The following STK31 variants were observed in gnomAD, a reference collection of about 807,000 sequenced individuals.
The protein encoded by STK31 is serine/threonine kinase 31.
In STK31, 89 loss-of-function variants were observed where a neutral mutation model predicts 129.7. The observed-to-expected ratio is 0.69, with a 90% CI of 0.58 to 0.82. The LOEUF is 0.82. Ranked by LOEUF, STK31 falls within the 40% of genes least tolerant of loss-of-function variation. The pLI is 0.00. For synonymous variants in STK31, 448 were observed against 395.3 expected, an observed-to-expected ratio of 1.13 and a Z score of -1.58; for missense variants, 1,187 against 1,176.4, an observed-to-expected ratio of 1.01 and a Z score of -0.13.
chr7:23,733,422 G>A (rs1196753651), intron 6 of STK31, among the ~76,000 whole-genome samples: 1 of 145,482 alleles, frequency 6.9e-6, no homozygotes, highest in Admixed American at 7.0e-5. Context: ...GGTAGTGATA[G>A]TTGGTGATTC....
intron 23 of STK31, among the ~76,000 whole-genome samples, chr7:23,831,449 T>G (rs1033255272): frequency 6.6e-6 from 1 of 152,202 alleles, no homozygotes; most frequent in Non-Finnish European, 1.5e-5. Context: ...TGGTTTCCTT[T>G]TGTATGGAAC....
chr7:23,801,108 G>A (rs940132030), intron 22 of STK31, among the ~76,000 whole-genome samples: 3 of 152,174 alleles, frequency 2.0e-5, no homozygotes, highest in Admixed American at 6.5e-5. Context: ...GTAATCGTAT[G>A]TATTATTCTT....
chr7:23,712,871 A>G (rs540823846), intron 3 of STK31, among the ~76,000 whole-genome samples: 6 of 152,308 alleles, frequency 3.9e-5, no homozygotes, highest in African/African-American at 1.4e-4. Context: ...CGACCTGCTA[A>G]TTTTTGGTTT....
intron 15 of STK31, among the ~76,000 whole-genome samples, chr7:23,777,781 CTT>C (rs1562594007): frequency 1.3e-5 from 2 of 152,058 alleles, no homozygotes; most frequent in African/African-American, 4.8e-5. Flanking sequence ...GGTCTTGACT[CTT>C]TATCCAATTT....
chr7:23,769,499 G>C (rs1790051265), intron 12 of STK31, 141 bp from the exon 13 acceptor site: 4 of 584,886 alleles, frequency 6.8e-6, no homozygotes, highest in Non-Finnish European at 1.2e-5. Context: ...ATTTTATGAG[G>C]GTAGGCACTT....
At chr7:23,759,581 T>C (rs1054234260) in intron 10 of STK31, among the ~76,000 whole-genome samples, 8 of 152,230 alleles carry the variant, frequency 5.3e-5, no homozygotes, top group African/African-American at 1.7e-4. Context: ...TATTGCCTTA[T>C]AAGAAAGGTG....
chr7:23,739,047 G>C (rs1440288707), intron 8 of STK31, among the ~76,000 whole-genome samples: 1 of 152,172 alleles, frequency 6.6e-6, no homozygotes, highest in African/African-American at 2.4e-5. Flanking sequence ...TTGAGGAATT[G>C]CCACACTGTC....
chr7:23,787,098 G>A lies in STK31; in HGVS notation c.2487+174G>A, dbSNP rs897573756. 1.1e-4 allele frequency among the ~76,000 whole-genome samples: 16 copies of A among 152,138 alleles called. 1 individual carries two copies. The highest frequency in any genetic ancestry group is 2.9e-4 in the African/African-American group (12 of 41,428). On this transcript the variant is annotated intron_variant, in intron 20 of 23. Coordinates refer to ENST00000355870, the MANE Select transcript of STK31 (RefSeq NM_031414.5). ...TCGTGTTATATAGATGAGAAAAAGC[G>A]TTAAAGGGATTAGATTAAGTGACTT...
In STK31 at chr7:23,717,525, G is replaced by C. The variant is rs1430381248; in HGVS notation, c.195G>C (p.Leu65=). 5 of 1,613,216 alleles carry C rather than the reference G, an allele frequency of 3.1e-6. No homozygotes were observed. Among genetic ancestry groups the C allele is most frequent in the Non-Finnish European group, 4.2e-6 (5 of 1,179,564 alleles). ...NKDIMKIGCS[L]SEVCPQASSV... is the part of the protein sequence containing the mutation. ...ATATCATGAAGATTGGTTGCTCACT[G>C]TCTGAAGTTTGCCCCCAGGCCAGTT... Residue 65 remains leucine, a synonymous_variant, in exon 4 of 24, where the codon CTG becomes CTC. Transcript: ENST00000355870.
intron 7 of STK31, among the ~76,000 whole-genome samples, chr7:23,736,587 G>A (rs1235471776): frequency 4.0e-5 from 6 of 149,522 alleles, no homozygotes; most frequent in Admixed American, 2.0e-4. Flanking sequence ...GGGATCACGG[G>A]GGGGGGATCA....
At chr7:23,777,340 C>T in intron 15 of STK31, among the ~76,000 whole-genome samples, 1 of 152,022 alleles carries the variant, frequency 6.6e-6, no homozygotes, top group Non-Finnish European at 1.5e-5. Context: ...TTATTAGGTC[C>T]ACTTGGTCCA....
At chr7:23,807,648 C>CGAAA (rs1348152140) in intron 22 of STK31, among the ~76,000 whole-genome samples, 1 of 152,020 alleles carries the variant, frequency 6.6e-6, no homozygotes, top group Non-Finnish European at 1.5e-5. Flanking sequence ...CACCCTTTCT[C>CGAAA]CTCTTTTTCT....
At chr7:23,828,603 G>A (rs1388848291) in intron 23 of STK31, among the ~76,000 whole-genome samples, 1 of 152,088 alleles carries the variant, frequency 6.6e-6, no homozygotes, top group Non-Finnish European at 1.5e-5. Flanking sequence ...CCACTGTCCT[G>A]CACCCACTGT....
intron 22 of STK31, among the ~76,000 whole-genome samples, chr7:23,805,625 A>G (rs1792658648): frequency 6.6e-6 from 1 of 152,038 alleles, no homozygotes; most frequent in African/African-American, 2.4e-5. Context: ...CTGGGACTAC[A>G]GGTTGTATCA....
chr7:23,776,785 A>AT (rs548562817), intron 15 of STK31, among the ~76,000 whole-genome samples: 28 of 151,156 alleles, frequency 1.9e-4, no homozygotes, highest in South Asian at 4.2e-4. Context: ...GGATTCATTG[A>AT]TTTTTTTTTG....
chr7:23,823,690 G>A (rs1168491217), intron 23 of STK31, among the ~76,000 whole-genome samples: 1 of 152,140 alleles, frequency 6.6e-6, no homozygotes, highest in African/African-American at 2.4e-5. Flanking sequence ...TGTCCTGAAT[G>A]GTATTGCCTA....
At chr7:23,830,763 G>C (rs1391258775) in intron 23 of STK31, among the ~76,000 whole-genome samples, 1 of 151,986 alleles carries the variant, frequency 6.6e-6, no homozygotes, top group Non-Finnish European at 1.5e-5. Flanking sequence ...GAGATTATAG[G>C]TGTCTGCCAC....
intron 16 of STK31, among the ~76,000 whole-genome samples, chr7:23,782,494 A>G (rs1489730205): frequency 1.4e-5 from 2 of 144,500 alleles, no homozygotes; most frequent in South Asian, 2.2e-4. Context: ...AAAAAAAAAG[A>G]AAAGAAAAGA....
At chr7:23,757,530 G>A (rs1170487734) in intron 10 of STK31, among the ~76,000 whole-genome samples, 1 of 152,136 alleles carries the variant, frequency 6.6e-6, no homozygotes, top group Non-Finnish European at 1.5e-5. Context: ...GTGCTTTGAT[G>A]TGCACATACA....
Sources: allele counts gnomAD v4.1 joint callset (sites outside exome capture counted in the v4.1 genomes callset), GRCh38; gene constraint gnomAD v4.1.1; transcripts MANE v1.5; gene names NCBI Gene and HGNC (gene_info 2026-07-23, HGNC 2026-07-21).